The following DNAAF9 variants were observed in gnomAD, a reference collection of about 807,000 sequenced individuals.
The protein encoded by DNAAF9 is dynein axonemal assembly factor 9.
In DNAAF9, 90 loss-of-function variants were observed where a neutral mutation model predicts 167.0. That is an observed-to-expected ratio of 0.54 (90% confidence interval 0.45 to 0.64). DNAAF9 has a LOEUF of 0.64. Among genes scored for constraint, DNAAF9 ranks in the 30% least tolerant of loss-of-function variants. The pLI is 0.00. For synonymous variants in DNAAF9, 491 were observed against 508.8 expected (o/e 0.96, Z 0.47); for missense variants, 1,315 against 1,442.2 (o/e 0.91, Z 1.43).
At chr20:3,288,024 T>C (rs1449005890) in intron 26 of DNAAF9, among the ~76,000 whole-genome samples, 3 of 152,246 alleles carry the variant, frequency 2.0e-5, no homozygotes, top group East Asian at 3.9e-4. Context: ...CCCCTTGCCA[T>C]AGGGAAAATG....
At chr20:3,318,496 T>C (rs796274810) in intron 16 of DNAAF9, 96 bp from the exon 17 acceptor site, 9 of 676,000 alleles carry the variant, frequency 1.3e-5, no homozygotes, top group Admixed American at 9.6e-5. Flanking sequence ...TAAAGGAACA[T>C]GGCAAAAGAG....
chr20:3,400,910 C>T (rs2083974061), intron 1 of DNAAF9, among the ~76,000 whole-genome samples: 1 of 152,344 alleles, frequency 6.6e-6, no homozygotes, highest in Middle Eastern at 3.4e-3. Context: ...TCTAAGTAAG[C>T]ATACCCTTTT....
intron 6 of DNAAF9, among the ~76,000 whole-genome samples, chr20:3,368,230 G>C (rs2144841): frequency 0.43 from 65,302 of 151,916 alleles, 14,154 homozygotes; most frequent in Middle Eastern, 0.55. Flanking sequence ...TCCTAACTCA[G>C]GGAGTGCGCT....
chr20:3,273,652 T>C lies in DNAAF9; in HGVS notation c.2651-3090A>G, dbSNP rs532053335. Among the ~76,000 whole-genome samples, 5 of 152,258 alleles carry C rather than the reference T, an allele frequency of 3.3e-5. No homozygotes were observed. The East Asian group carries it at 7.7e-4, about 24-fold the overall frequency. On this transcript the variant is annotated intron_variant, in intron 29 of 36. Coordinates refer to ENST00000252032, the MANE Select transcript of DNAAF9 (RefSeq NM_001009984.3). ...CACAAGGACAGCACCAAGCCATTCA[T>C]GAGGGATCTGCCCCCATGACCCAAA...
chr20:3,381,415 A>C lies in DNAAF9; in HGVS notation c.247T>G (p.Phe83Val). The C allele has an allele frequency of 6.2e-7, 1 of 1,612,800 alleles. No individual in the cohort carries two copies. The highest frequency in any genetic ancestry group is 8.5e-7 in the Non-Finnish European group (1 of 1,178,894). Reference sequence around the variant, plus strand: ...TCTTCAGAAAATCCCGTTTTCTCAAAATCACTGGTATTCTGATTGTACAAA... The same window carrying C: ...TCTTCAGAAAATCCCGTTTTCTCAACATCACTGGTATTCTGATTGTACAAA... ...FGLYNQNTSD[F>V]EKTGFSEEVL... Residue 83 changes from phenylalanine (F) to valine (V), a missense_variant, in exon 3 of 37, where the codon TTT becomes GTT. Phe to Val is a conservative substitution (Grantham distance 50). Transcript: ENST00000252032.
chr20:3,305,489 G>C (rs906389242), intron 20 of DNAAF9, among the ~76,000 whole-genome samples: 1 of 152,246 alleles, frequency 6.6e-6, no homozygotes, highest in African/African-American at 2.4e-5. Flanking sequence ...CAAAGGCCAA[G>C]AGATAAATAA....
intron 29 of DNAAF9, among the ~76,000 whole-genome samples, chr20:3,272,318 G>A (rs2068607130): frequency 6.6e-6 from 1 of 151,960 alleles, no homozygotes; most frequent in South Asian, 2.1e-4. Flanking sequence ...TTGACCTCCT[G>A]GGCTCAAGCA....
chr20:3,390,599 A>T (rs1167961097), intron 1 of DNAAF9, among the ~76,000 whole-genome samples: 1 of 152,154 alleles, frequency 6.6e-6, no homozygotes, highest in Non-Finnish European at 1.5e-5. Flanking sequence ...TCCTGACCTC[A>T]GGTGATTTGC....
Position 3,290,187 on chromosome 20 carries a change from C to G in DNAAF9, c.2269G>C (p.Gly757Arg). Residue 757 changes from glycine (G) to arginine (R), a missense_variant, in exon 26 of 37, where the codon GGC (glycine) becomes CGC (arginine). Gly to Arg is a moderately radical substitution (Grantham distance 125). Around this residue, in one of 2 missense-constraint regions of DNAAF9, gnomAD observed 981 missense variants for 1,012.5 expected, o/e 0.97. Transcript: ENST00000252032. ...VIISIVTGLPGCHASELCAFL... is the reference protein window; with the variant it reads ...VIISIVTGLPRCHASELCAFL... ...GCACAGAGCTCGCTAGCGTGACAGC[C>G]TGGGAGGCCGGTTACAATGCTGATA... is the stretch of plus-strand genomic sequence containing the variant. 6.2e-7 allele frequency: 1 copy of G among 1,613,062 alleles called. No homozygotes were observed. Among genetic ancestry groups the G allele is most frequent in the Non-Finnish European group, 8.5e-7 (1 of 1,178,978 alleles).
chr20:3,324,658 C>G (rs2236123), intron 14 of DNAAF9, among the ~76,000 whole-genome samples: 29,357 of 152,108 alleles, frequency 0.19, 3,070 homozygotes, highest in African/African-American at 0.24. Context: ...TGGTGTTAAT[C>G]TGCCCTGCAT....
chr20:3,255,892 G>T, intron 34 of DNAAF9, 114 bp downstream of exon 34: 1 of 764,528 alleles, frequency 1.3e-6, no homozygotes, highest in Non-Finnish European at 2.2e-6. Context: ...GCCAGGGAGA[G>T]GAAGCCCAGT....
chr20:3,385,335 T>C (rs1052434249), intron 1 of DNAAF9, among the ~76,000 whole-genome samples: 5 of 152,166 alleles, frequency 3.3e-5, no homozygotes, highest in Admixed American at 3.3e-4. Flanking sequence ...CTGTAGGAAA[T>C]CTTAAGGATT....
intron 26 of DNAAF9, among the ~76,000 whole-genome samples, chr20:3,288,752 C>T (rs2068897635): frequency 1.3e-5 from 2 of 152,114 alleles, no homozygotes; most frequent in Admixed American, 1.3e-4. Context: ...AATCTGACAG[C>T]CAGGTGGAAG....
At chr20:3,318,071 G>A (rs1407291366) in intron 17 of DNAAF9, among the ~76,000 whole-genome samples, 3 of 148,352 alleles carry the variant, frequency 2.0e-5, no homozygotes, top group African/African-American at 7.4e-5. Context: ...CATAAATTAG[G>A]TTATACACCC....
At position 3,332,298 on chromosome 20, in the gene DNAAF9, T is replaced by A; in HGVS notation, c.1045A>T (p.Thr349Ser). ...GACTTACCCAAGTAAGGAACATGAGTAGCTCCAAAAAAGTATGTTCTCGAA... is the reference window on the plus strand; with the variant it reads ...GACTTACCCAAGTAAGGAACATGAGAAGCTCCAAAAAAGTATGTTCTCGAA... ...ACSRTYFFGATHVPYLGGDSK... is the reference protein window; with the variant it reads ...ACSRTYFFGASHVPYLGGDSK... Residue 349 changes from threonine (T) to serine (S), a missense_variant, in exon 11 of 37, where the codon ACT (threonine) becomes TCT (serine). Physicochemically the swap from Thr to Ser is moderately conservative, Grantham distance 58. Coordinates refer to ENST00000252032, the MANE Select transcript of DNAAF9 (RefSeq NM_001009984.3). 6.3e-7 allele frequency: 1 copy of A among 1,592,226 alleles called. No homozygotes were observed. Among genetic ancestry groups the A allele is most frequent in the Admixed American group, 1.7e-5 (1 of 59,948 alleles).
At chr20:3,284,572 TTTTC>T (rs1162935711) in intron 27 of DNAAF9, among the ~76,000 whole-genome samples, 1 of 150,446 alleles carries the variant, frequency 6.6e-6, no homozygotes, top group East Asian at 1.9e-4. Context: ...TCTGTCAGTA[TTTTC>T]TTTATTAAAA....
chr20:3,294,256 C>A lies in DNAAF9; in HGVS notation c.2121G>T (p.Trp707Cys), dbSNP rs779265421. 6.3e-7 allele frequency: 1 copy of A among 1,591,226 alleles called. No homozygotes were observed. Among genetic ancestry groups the A allele is most frequent in the Non-Finnish European group, 8.6e-7 (1 of 1,159,350 alleles). The change falls in exon 25 of 37, where the codon TGG becomes TGT. Residue 707 changes from tryptophan (W) to cysteine (C), a missense_variant and splice_region_variant. Coordinates refer to ENST00000252032, the MANE Select transcript of DNAAF9 (RefSeq NM_001009984.3). Reference sequence around the variant, plus strand: ...TGCTGATGGCGAAATGCTGGAGAAACCTAAAAACACAAAGACAATGCTATT... The same window carrying A: ...TGCTGATGGCGAAATGCTGGAGAAAACTAAAAACACAAAGACAATGCTATT... The part of the protein sequence containing the change: ...LLSAKLPELD[W>C]FLQHFAISSI...
In DNAAF9 at chr20:3,315,251, A is replaced by G. The variant is rs1445800727; in HGVS notation, c.1591-131T>C. 6.1e-6 allele frequency: 4 copies of G among 652,794 alleles called. No homozygotes were observed. Among genetic ancestry groups the G allele is most frequent in the Non-Finnish European group, 1.1e-5 (4 of 364,208 alleles). 40.4% of individuals were successfully genotyped at this position (652,794 alleles called of 1,614,324 possible). On this transcript the variant is annotated intron_variant, in intron 19 of 36. Transcript: ENST00000252032. This position sits in a 1 kb window ranked among gnomAD's most constrained non-coding sequence, Gnocchi z 4.1. The stretch of plus-strand genomic sequence containing the variant: ...GCTGAGTCAGGCTCAGATATGCCCA[A>G]TGTATTCCATGGCCTTTGGCATTGT...
intron 29 of DNAAF9, among the ~76,000 whole-genome samples, chr20:3,276,790 C>A (rs2068682229): frequency 6.6e-6 from 1 of 152,192 alleles, no homozygotes; most frequent in African/African-American, 2.4e-5. Flanking sequence ...TTTACAAGAA[C>A]AAGGCAGGCC....
Sources: gnomAD v4.1 joint callset for allele counts (sites outside exome capture counted in the v4.1 genomes callset) on GRCh38, gnomAD v4.1.1 for gene constraint, gnomAD v4.1.1 regional missense constraint, Gnocchi (gnomAD v3.1) non-coding constraint, MANE v1.5 for transcripts, NCBI Gene and HGNC (gene_info 2026-07-23, HGNC 2026-07-21) for gene names.